The following CD226 variants were observed in gnomAD, a reference collection of about 807,000 sequenced individuals.
CD226 encodes CD226 antigen.
Under a neutral mutation model 34.9 loss-of-function variants are expected in CD226, and 24 were observed. The observed-to-expected ratio is 0.69, with a 90% confidence interval of 0.50 to 0.97. The LOEUF (loss-of-function observed/expected upper bound fraction) is 0.97. Among genes scored for constraint, CD226 ranks in the 50% least tolerant of loss-of-function variants. CD226 has a pLI of 0.00. For missense variants in CD226, 397 were observed against 412.7 expected, an observed-to-expected ratio of 0.96 and a Z score of 0.33; for synonymous variants, 148 against 147.4, an observed-to-expected ratio of 1.00 and a Z score of -0.03.
intron 3 of CD226, among the ~76,000 whole-genome samples, chr18:69,894,912 T>C (rs1006707016): frequency 6.6e-6 from 1 of 151,896 alleles, no homozygotes; most frequent in African/African-American, 2.4e-5. Context: ...TGAAACACAA[T>C]GAAAGGCTTC....
At chr18:69,892,650 G>A (rs1224370645) in intron 3 of CD226, among the ~76,000 whole-genome samples, 2 of 152,280 alleles carry the variant, frequency 1.3e-5, no homozygotes, top group African/African-American at 4.8e-5. Flanking sequence ...ATCAAGGCCT[G>A]GATACTTGAC....
At chr18:69,928,640 T>C (rs773225154) in intron 2 of CD226, among the ~76,000 whole-genome samples, 1 of 152,166 alleles carries the variant, frequency 6.6e-6, no homozygotes, top group East Asian at 1.9e-4. Context: ...TTTTGGATTT[T>C]GGAATATTTA....
At chr18:69,871,541 C>T (rs922521992) in intron 4 of CD226, among the ~76,000 whole-genome samples, 1 of 152,116 alleles carries the variant, frequency 6.6e-6, no homozygotes, top group Non-Finnish European at 1.5e-5. Context: ...GTAGCAGAGA[C>T]GTACACAATG....
chr18:69,870,822 A>G (rs1983475639), intron 4 of CD226, among the ~76,000 whole-genome samples: 1 of 152,194 alleles, frequency 6.6e-6, no homozygotes. Context: ...GGATTATTTT[A>G]AACAGTCAGT....
intron 3 of CD226, among the ~76,000 whole-genome samples, chr18:69,888,532 C>T (rs1984700337): frequency 6.6e-6 from 1 of 151,622 alleles, no homozygotes; most frequent in Non-Finnish European, 1.5e-5. Flanking sequence ...ACTCCTACCG[C>T]CTCAGCCTCC....
chr18:69,864,436 G>T lies in CD226; in HGVS notation c.889C>A (p.Pro297Thr). The change falls in exon 6 of 6, where the codon CCC becomes ACC. Residue 297 changes from proline to threonine, a missense_variant. Pro to Thr is a conservative substitution (Grantham distance 38, BLOSUM62 -1). Transcript: ENST00000582621. ...GAGATGGGACTTCTATAGTTATTGG[G>T]TGCCTAGAAAGACAAACAGCAGAGA... Reference protein sequence around the residue: ...FTESWDTQKAPNNYRSPISTS... With the variant: ...FTESWDTQKATNNYRSPISTS... 6.2e-7 allele frequency: 1 copy of T among 1,612,656 alleles called. No individual in the cohort carries two copies. The highest frequency in any genetic ancestry group is 8.5e-7 in the Non-Finnish European group (1 of 1,179,258).
At chr18:69,884,362 G>T (rs529339305) in intron 3 of CD226, among the ~76,000 whole-genome samples, 1 of 152,070 alleles carries the variant, frequency 6.6e-6, no homozygotes, top group Non-Finnish European at 1.5e-5. Flanking sequence ...CTCTACTCTA[G>T]AAAGCACCTT....
chr18:69,910,827 T>A (rs1187548150), intron 2 of CD226, among the ~76,000 whole-genome samples: 3 of 152,174 alleles, frequency 2.0e-5, no homozygotes, highest in Non-Finnish European at 2.9e-5. Context: ...TTAAAGATTA[T>A]TAGAAGGGTA....
intron 2 of CD226, among the ~76,000 whole-genome samples, chr18:69,942,841 G>A (rs1445091854): frequency 3.3e-5 from 5 of 152,146 alleles, no homozygotes; most frequent in Non-Finnish European, 7.4e-5. Flanking sequence ...CACCTCCACT[G>A]TGCCCTTCTT....
chr18:69,871,474 T>C (rs1337533122), intron 4 of CD226, among the ~76,000 whole-genome samples: 1 of 152,254 alleles, frequency 6.6e-6, no homozygotes, highest in Non-Finnish European at 1.5e-5. Flanking sequence ...TCTGCCATTA[T>C]GAATAGAAGG....
intron 3 of CD226, among the ~76,000 whole-genome samples, chr18:69,885,796 C>T (rs1984522144): frequency 6.6e-6 from 1 of 152,062 alleles, no homozygotes. Context: ...CAGCCTGCCT[C>T]ACGTGACTCC....
At chr18:69,910,900 G>C (rs951444198) in intron 2 of CD226, among the ~76,000 whole-genome samples, 1 of 152,164 alleles carries the variant, frequency 6.6e-6, no homozygotes, top group African/African-American at 2.4e-5. Context: ...AGAGCAGAAG[G>C]AATGTTTTTG....
chr18:69,941,242 C>T (rs1394344274), intron 2 of CD226, among the ~76,000 whole-genome samples: 1 of 152,226 alleles, frequency 6.6e-6, no homozygotes, highest in Non-Finnish European at 1.5e-5. Context: ...GGGGTTGGAG[C>T]CCCCACACAG....
At chr18:69,902,694 C>T (rs188897351) in intron 2 of CD226, among the ~76,000 whole-genome samples, 72 of 151,974 alleles carry the variant, frequency 4.7e-4, no homozygotes, top group Non-Finnish European at 8.2e-4. Flanking sequence ...AAATCAATAG[C>T]GCCTGCTCAG....
chr18:69,865,720 GTAAC>G (rs1249973761), intron 5 of CD226, among the ~76,000 whole-genome samples: 2 of 152,194 alleles, frequency 1.3e-5, no homozygotes, highest in Non-Finnish European at 2.9e-5. Context: ...TTTTGCAAAA[GTAAC>G]TACTTAATAA....
At chr18:69,877,772 T>C (rs987685323) in intron 3 of CD226, among the ~76,000 whole-genome samples, 2 of 152,248 alleles carry the variant, frequency 1.3e-5, no homozygotes, top group Non-Finnish European at 2.9e-5. Context: ...CCTGATTTAG[T>C]GGAACATATA....
upstream of CD226, among the ~76,000 whole-genome samples, chr18:69,949,548 T>C (rs73466704): frequency 6.8e-3 from 1,029 of 152,100 alleles, 4 homozygotes; most frequent in Middle Eastern, 0.01. Flanking sequence ...TCCTCCTGCA[T>C]TCATATCTTC....
At chr18:69,901,719 A>T (rs2145262403) in intron 2 of CD226, among the ~76,000 whole-genome samples, 1 of 152,178 alleles carries the variant, frequency 6.6e-6, no homozygotes, top group South Asian at 2.1e-4. Flanking sequence ...CTCTACTAAA[A>T]ATACAAAAAA....
intron 2 of CD226, among the ~76,000 whole-genome samples, chr18:69,935,215 T>A (rs781674246): frequency 1.3e-5 from 2 of 152,330 alleles, no homozygotes; most frequent in Non-Finnish European, 2.9e-5. Flanking sequence ...AATCTCACAT[T>A]TTTTATTTTA....
Sources: gnomAD v4.1 joint callset for allele counts (sites outside exome capture counted in the v4.1 genomes callset) on GRCh38, gnomAD v4.1.1 for gene constraint, MANE v1.5 for transcripts, NCBI Gene and HGNC (gene_info 2026-07-23, HGNC 2026-07-21) for gene names.